Variants in GRM5 observed in about 807,000 individuals in gnomAD.
GRM5 encodes glutamate metabotropic receptor 5, also known as metabotropic glutamate receptor 5.
GRM5 carries 19 observed loss-of-function variants against 83.1 expected under a neutral mutation model. That is an observed-to-expected ratio of 0.23 (90% CI 0.16 to 0.34). GRM5 has a LOEUF of 0.34. Among genes scored for constraint, GRM5 ranks in the 10% least tolerant of loss-of-function variants. GRM5 has a pLI of 1.00. For missense variants in GRM5, 1,160 were observed against 1,588.3 expected (o/e 0.73, Z 4.58); for synonymous variants, 675 against 633.6 (o/e 1.07, Z -0.98).
At chr11:88,792,079 C>G (rs1943184520) in intron 3 of GRM5, among the ~76,000 whole-genome samples, 1 of 152,080 alleles carries the variant, frequency 6.6e-6, no homozygotes, top group Admixed American at 6.6e-5. Context: ...AGGAATAAGA[C>G]TCACTCTTTA....
intron 2 of GRM5, among the ~76,000 whole-genome samples, chr11:88,916,248 T>A (rs113664931): frequency 6.6e-6 from 1 of 151,986 alleles, no homozygotes; most frequent in Non-Finnish European, 1.5e-5. Context: ...ATCAAGGAAA[T>A]AGATATGAAA....
intron 9 of GRM5, among the ~76,000 whole-genome samples, chr11:88,517,154 C>T (rs1006942889): frequency 1.3e-4 from 19 of 151,832 alleles, no homozygotes; most frequent in Admixed American, 1.1e-3. Flanking sequence ...CACACACACA[C>T]ACACACACGT....
intron 2 of GRM5, among the ~76,000 whole-genome samples, chr11:88,860,732 G>A (rs183228582): frequency 2.8e-4 from 43 of 152,298 alleles, no homozygotes; most frequent in African/African-American, 9.6e-4. Flanking sequence ...GTACTGAGAG[G>A]AGGAACTCAA....
intron 2 of GRM5, among the ~76,000 whole-genome samples, chr11:89,001,107 G>C (rs1423700381): frequency 6.6e-6 from 1 of 151,438 alleles, no homozygotes. Flanking sequence ...AAAATAACCT[G>C]CTAGGTTATT....
chr11:88,938,943 C>G (rs1214125746), intron 2 of GRM5, among the ~76,000 whole-genome samples: 2 of 151,858 alleles, frequency 1.3e-5, no homozygotes, highest in Non-Finnish European at 3.0e-5. Context: ...TCTCTTTTCT[C>G]TCCATAACTG....
chr11:88,679,905 A>G (rs923271293), intron 3 of GRM5, among the ~76,000 whole-genome samples: 4 of 148,028 alleles, frequency 2.7e-5, no homozygotes, highest in Non-Finnish European at 5.9e-5. Context: ...CACCTTCCTC[A>G]TTCTTCATCT....
chr11:88,580,058 A>G (rs976506807), intron 7 of GRM5, among the ~76,000 whole-genome samples: 5 of 152,214 alleles, frequency 3.3e-5, no homozygotes, highest in African/African-American at 9.7e-5. Flanking sequence ...ACGTCAGTAG[A>G]TTGACTCCAA....
In GRM5 at chr11:88,616,386, A is replaced by C. The variant is rs901819260; in HGVS notation, c.1148-11422T>G. Among the ~76,000 whole-genome samples the C allele has an allele frequency of 6.7e-5, 6 of 89,886 alleles. No homozygotes were observed. The Admixed American group carries it at 1.0e-3, about 15-fold the overall frequency. The allele number at this position is 89,886 out of a possible 152,430, so 59.0% of individuals were successfully genotyped here. A position where few individuals can be genotyped will look rare whatever the true frequency, so the allele number is the denominator to read the frequency against. On this transcript the variant is annotated intron_variant, in intron 4 of 9. Transcript: ENST00000305447. ...GGGGTTGGATAAGATAGGGCTTTGG[A>C]GTGTTTTTTTTTTTTTTTTTTTTTT... is the stretch of plus-strand genomic sequence containing the variant.
chr11:88,748,446 G>A (rs577667596), intron 3 of GRM5, among the ~76,000 whole-genome samples: 1 of 152,274 alleles, frequency 6.6e-6, no homozygotes, highest in African/African-American at 2.4e-5. Context: ...TTCCTGAGAT[G>A]GGTCTGAGTT....
At chr11:88,851,608 G>C (rs1172398611) in intron 2 of GRM5, among the ~76,000 whole-genome samples, 1 of 152,186 alleles carries the variant, frequency 6.6e-6, no homozygotes, top group Non-Finnish European at 1.5e-5. Flanking sequence ...ACAGATAGTA[G>C]GTGTCAGGAT....
chr11:88,713,774 C>A (rs1220374038), intron 3 of GRM5, among the ~76,000 whole-genome samples: 3 of 151,870 alleles, frequency 2.0e-5, no homozygotes, highest in Non-Finnish European at 4.4e-5. Context: ...TTTTAGGAGA[C>A]TTAAATTCAT....
At chr11:88,633,031 T>C (rs1321362417) in intron 4 of GRM5, among the ~76,000 whole-genome samples, 2 of 152,208 alleles carry the variant, frequency 1.3e-5, no homozygotes, top group Non-Finnish European at 1.5e-5. Context: ...ATGTTTTGAA[T>C]AGTCATTTTA....
chr11:88,913,787 A>G (rs1447606436), intron 2 of GRM5, among the ~76,000 whole-genome samples: 1 of 151,826 alleles, frequency 6.6e-6, no homozygotes. Flanking sequence ...GGATATCACC[A>G]TGTTGGCCAG....
At chr11:88,720,194 G>T (rs1251744334) in intron 3 of GRM5, among the ~76,000 whole-genome samples, 6 of 152,052 alleles carry the variant, frequency 3.9e-5, no homozygotes, top group Admixed American at 3.9e-4. Context: ...ATGGAAGACA[G>T]GAAAAATGGA....
intron 2 of GRM5, among the ~76,000 whole-genome samples, chr11:88,873,688 C>A (rs1248815396): frequency 6.6e-6 from 1 of 151,386 alleles, no homozygotes; most frequent in Non-Finnish European, 1.5e-5. Context: ...CCCAACATAC[C>A]AAATCCTATG....
At chr11:88,946,281 G>A (rs602040) in intron 2 of GRM5, among the ~76,000 whole-genome samples, 72,865 of 151,882 alleles carry the variant, frequency 0.48, 19,842 homozygotes, top group South Asian at 0.7. Flanking sequence ...ATATACTGTC[G>A]GTGAGAATGG....
At chr11:88,641,516 C>T (rs1939293849) in intron 4 of GRM5, among the ~76,000 whole-genome samples, 2 of 152,120 alleles carry the variant, frequency 1.3e-5, no homozygotes, top group South Asian at 2.1e-4. Context: ...AGTCCAATAC[C>T]TCATCTCAGA....
At chr11:88,791,112 G>C (rs947391821) in intron 3 of GRM5, among the ~76,000 whole-genome samples, 1 of 152,170 alleles carries the variant, frequency 6.6e-6, no homozygotes, top group South Asian at 2.1e-4. Context: ...TAAACCAGTA[G>C]CATGAACAGG....
At chr11:89,039,948 T>C (rs550479877) in intron 2 of GRM5, among the ~76,000 whole-genome samples, 5 of 152,328 alleles carry the variant, frequency 3.3e-5, no homozygotes, top group Non-Finnish European at 5.9e-5. Context: ...CACACCACCA[T>C]GTCTAGCTAA....
Sources: gnomAD v4.1 joint callset for allele counts (sites outside exome capture counted in the v4.1 genomes callset) on GRCh38, gnomAD v4.1.1 for gene constraint, MANE v1.5 for transcripts, NCBI Gene and HGNC (gene_info 2026-07-23, HGNC 2026-07-21) for gene names.